SPAG16: variants seen among roughly 807,000 people sequenced by gnomAD.
SPAG16 encodes the protein sperm associated antigen 16.
A neutral mutation model predicts 80.4 loss-of-function variants in SPAG16; 86 were observed. The ratio of observed to expected loss-of-function variants is 1.07; its 90% CI spans 0.90 to 1.28. The LOEUF is 1.28. Ranked by LOEUF, SPAG16 falls within the 50% of genes most tolerant of loss-of-function variation. The probability of loss-of-function intolerance (pLI) is 0.00; values close to 1 mark genes in which losing one functional copy is unlikely to be tolerated. For missense variants in SPAG16, 870 were observed against 765.3 expected (o/e 1.14, Z -1.61); for synonymous variants, 294 against 265.9 (o/e 1.11, Z -1.03).
intron 10 of SPAG16, among the ~76,000 whole-genome samples, chr2:213,523,856 G>A (rs1268759183): frequency 6.6e-6 from 1 of 152,170 alleles, no homozygotes; most frequent in Non-Finnish European, 1.5e-5. Flanking sequence ...TTTCAAAGTG[G>A]CAAAGTGTTC....
At chr2:213,776,690 A>G (rs545662167) in intron 10 of SPAG16, among the ~76,000 whole-genome samples, 1 of 152,240 alleles carries the variant, frequency 6.6e-6, no homozygotes, top group South Asian at 2.1e-4. Flanking sequence ...TAAGAAATAA[A>G]ATAGAAAGCT....
chr2:213,557,283 T>C (rs2059454028), intron 10 of SPAG16, among the ~76,000 whole-genome samples: 3 of 152,146 alleles, frequency 2.0e-5, no homozygotes, highest in South Asian at 2.1e-4. Context: ...TATTGTTTTA[T>C]TGTAAGCACA....
chr2:214,079,518 C>T (rs2051255403), intron 13 of SPAG16, among the ~76,000 whole-genome samples: 1 of 152,056 alleles, frequency 6.6e-6, no homozygotes. Flanking sequence ...GTTTGGATTC[C>T]AGAGAAGGCA....
At chr2:213,785,385 T>C (rs2070272643) in intron 10 of SPAG16, among the ~76,000 whole-genome samples, 1 of 152,220 alleles carries the variant, frequency 6.6e-6, no homozygotes, top group Admixed American at 6.5e-5. Flanking sequence ...TTGATAGTTG[T>C]ATAGATTATC....
chr2:214,358,356 C>T (rs1035719659), intron 15 of SPAG16, among the ~76,000 whole-genome samples: 17 of 151,884 alleles, frequency 1.1e-4, no homozygotes, highest in Admixed American at 8.6e-4. Flanking sequence ...TTTGGGCAAA[C>T]GCCACCTTTA....
chr2:213,368,988 G>A (rs150081808), intron 8 of SPAG16, among the ~76,000 whole-genome samples: 36 of 152,128 alleles, frequency 2.4e-4, no homozygotes, highest in Middle Eastern at 3.4e-3. Context: ...GCCATACTGC[G>A]CGAGAAAATC....
chr2:213,912,025 C>A (rs1186589759), intron 11 of SPAG16, among the ~76,000 whole-genome samples: 1 of 152,060 alleles, frequency 6.6e-6, no homozygotes, highest in African/African-American at 2.4e-5. Context: ...CAAAATCCTG[C>A]AAACTCATAA....
chr2:213,752,025 A>G (rs571633082), intron 10 of SPAG16, among the ~76,000 whole-genome samples: 49 of 152,344 alleles, frequency 3.2e-4, no homozygotes, highest in African/African-American at 9.4e-4. Context: ...AAAGGTAGCA[A>G]TTTATTGGCC....
chr2:213,830,756 T>G (rs1487170985), intron 10 of SPAG16, among the ~76,000 whole-genome samples: 1 of 152,160 alleles, frequency 6.6e-6, no homozygotes, highest in African/African-American at 2.4e-5. Context: ...CTCATTTACT[T>G]CTTTCGAAGG....
At chr2:213,870,585 A>C (rs1034005453) in intron 11 of SPAG16, among the ~76,000 whole-genome samples, 4 of 152,170 alleles carry the variant, frequency 2.6e-5, no homozygotes, top group African/African-American at 9.6e-5. Context: ...CCAGCACCTC[A>C]GTTGCTCATT....
At chr2:214,374,023 T>C (rs1699976348) in intron 15 of SPAG16, among the ~76,000 whole-genome samples, 1 of 152,140 alleles carries the variant, frequency 6.6e-6, no homozygotes, top group African/African-American at 2.4e-5. Context: ...AAAATTAGAA[T>C]ATAGTAGGAT....
intron 10 of SPAG16, among the ~76,000 whole-genome samples, chr2:213,545,608 C>CAT (rs34476651): frequency 0.43 from 65,661 of 151,672 alleles, 14,982 homozygotes; most frequent in African/African-American, 0.56. Context: ...TACATTGAAA[C>CAT]GTGATCAATT....
chr2:213,848,621 T>G (rs1298986114), intron 10 of SPAG16, among the ~76,000 whole-genome samples: 2 of 152,218 alleles, frequency 1.3e-5, no homozygotes, highest in Non-Finnish European at 2.9e-5. Flanking sequence ...ATTCAAGTTA[T>G]TTGTGTTCAT....
chr2:213,646,784 G>A (rs1267990657), intron 10 of SPAG16, among the ~76,000 whole-genome samples: 1 of 152,146 alleles, frequency 6.6e-6, no homozygotes, highest in Non-Finnish European at 1.5e-5. Context: ...TCTCTCCTGT[G>A]TACTCTGGAA....
intron 10 of SPAG16, among the ~76,000 whole-genome samples, chr2:213,835,208 G>A (rs1465784173): frequency 7.2e-5 from 11 of 152,062 alleles, no homozygotes. Flanking sequence ...ACCAAGATTG[G>A]AATCTAGAAA....
intron 15 of SPAG16, among the ~76,000 whole-genome samples, chr2:214,375,860 G>T (rs926704947): frequency 6.6e-6 from 1 of 152,074 alleles, no homozygotes; most frequent in South Asian, 2.1e-4. Flanking sequence ...AATGGAGAAG[G>T]AAGATTTCAC....
chr2:213,940,334 T>C (rs768305711), intron 12 of SPAG16, among the ~76,000 whole-genome samples: 6 of 152,202 alleles, frequency 3.9e-5, no homozygotes, highest in Non-Finnish European at 8.8e-5. Flanking sequence ...CTGTGTTGCC[T>C]GGGCTGGAGT....
chr2:213,305,696 C>T (rs2062913518), intron 3 of SPAG16, among the ~76,000 whole-genome samples: 1 of 152,034 alleles, frequency 6.6e-6, no homozygotes, highest in Non-Finnish European at 1.5e-5. Context: ...CCTTGCATTC[C>T]AAGGATGAAT....
At chr2:213,381,150 G>T (rs1182157246) in intron 9 of SPAG16, among the ~76,000 whole-genome samples, 2 of 152,098 alleles carry the variant, frequency 1.3e-5, no homozygotes, top group Non-Finnish European at 2.9e-5. Flanking sequence ...TAATTTAGCT[G>T]TTAGATGGTG....
Sources: gnomAD v4.1 joint callset for allele counts (sites outside exome capture counted in the v4.1 genomes callset) on GRCh38, gnomAD v4.1.1 for gene constraint, MANE v1.5 for transcripts, NCBI Gene and HGNC (gene_info 2026-07-23, HGNC 2026-07-21) for gene names.